Variants in GRM1 observed in about 807,000 individuals in gnomAD.
GRM1 encodes the protein metabotropic glutamate receptor 1.
GRM1 carries 33 observed loss-of-function variants against 90.9 expected under a neutral mutation model. The observed-to-expected ratio is 0.36, with a 90% CI of 0.28 to 0.49. GRM1 has a LOEUF of 0.49. GRM1 is among the 20% of genes least tolerant of loss of function. The probability of loss-of-function intolerance (pLI) is 0.99; values close to 1 mark genes in which losing one functional copy is unlikely to be tolerated. For synonymous variants in GRM1, 700 were observed against 613.2 expected, an observed-to-expected ratio of 1.14 and a Z score of -2.09; for missense variants, 1,190 against 1,534.3, an observed-to-expected ratio of 0.78 and a Z score of 3.75.
At chr6:146,326,444 C>A (rs920819113) in intron 3 of GRM1, among the ~76,000 whole-genome samples, 2 of 151,972 alleles carry the variant, frequency 1.3e-5, no homozygotes, top group African/African-American at 4.8e-5. Flanking sequence ...TTTTGAGGGG[C>A]AGAGGGTGAA....
chr6:146,082,578 A>T (rs930678040), intron 1 of GRM1, among the ~76,000 whole-genome samples: 1 of 152,104 alleles, frequency 6.6e-6, no homozygotes, highest in Non-Finnish European at 1.5e-5. Flanking sequence ...CTCTTCCCAT[A>T]TCCAATCAAT....
chr6:146,077,650 C>T (rs1263363643), intron 1 of GRM1, among the ~76,000 whole-genome samples: 3 of 152,144 alleles, frequency 2.0e-5, no homozygotes, highest in African/African-American at 7.2e-5. Context: ...AATTTTTTAT[C>T]TGGATAGTGA....
chr6:146,135,209 T>C (rs959678974), intron 1 of GRM1, among the ~76,000 whole-genome samples: 2 of 152,182 alleles, frequency 1.3e-5, no homozygotes, highest in African/African-American at 4.8e-5. Flanking sequence ...ACAAGGAGAT[T>C]AGCTGACTTA....
intron 1 of GRM1, among the ~76,000 whole-genome samples, chr6:146,051,750 A>G (rs1326877075): frequency 1.3e-5 from 2 of 152,070 alleles, no homozygotes; most frequent in African/African-American, 2.4e-5. Flanking sequence ...GATTTTAGCT[A>G]TGAACATATG....
In GRM1 at chr6:146,369,360, T is replaced by C. The variant is rs553190934; in HGVS notation, c.1602+11666T>C. ...TTTATTATTTATTTTCTTCTACTAA[T>C]TGGGGGTTTGGTTTGCTCTTGCTTT... On this transcript the variant is annotated intron_variant, in intron 5 of 7. Transcript: ENST00000282753. Among the ~76,000 whole-genome samples the C allele has an allele frequency of 5.9e-5, 9 of 152,024 alleles. No individual in the cohort carries two copies. The South Asian group carries it at 1.7e-3, about 28-fold the overall frequency.
At chr6:146,306,381 C>T (rs961604795) in intron 3 of GRM1, among the ~76,000 whole-genome samples, 3 of 152,096 alleles carry the variant, frequency 2.0e-5, no homozygotes, top group South Asian at 2.1e-4. Context: ...AAACAGTTTC[C>T]CTAGGCTCAT....
chr6:146,329,431 G>A (rs897784344), intron 3 of GRM1, among the ~76,000 whole-genome samples: 2 of 152,304 alleles, frequency 1.3e-5, no homozygotes, highest in African/African-American at 4.8e-5. Flanking sequence ...TTAAGGTCAT[G>A]AGCAGTTAGG....
At chr6:146,109,169 T>C (rs569787024) in intron 1 of GRM1, among the ~76,000 whole-genome samples, 10 of 151,840 alleles carry the variant, frequency 6.6e-5, no homozygotes, top group Non-Finnish European at 1.5e-4. Flanking sequence ...CCCAAGACAA[T>C]GGGGAAAATG....
intron 2 of GRM1, among the ~76,000 whole-genome samples, chr6:146,271,011 T>C (rs1782140428): frequency 6.7e-6 from 1 of 149,996 alleles, no homozygotes; most frequent in Admixed American, 6.7e-5. Flanking sequence ...TCTTTCTTTC[T>C]TTCTTTCTTT....
chr6:146,164,157 G>A (rs1777831299), intron 2 of GRM1, among the ~76,000 whole-genome samples: 2 of 152,154 alleles, frequency 1.3e-5, no homozygotes, highest in South Asian at 4.2e-4. Flanking sequence ...ACCATTTATT[G>A]AGGGTTTGGT....
chr6:146,079,747 T>C (rs1445614751), intron 1 of GRM1, among the ~76,000 whole-genome samples: 1 of 152,178 alleles, frequency 6.6e-6, no homozygotes, highest in Non-Finnish European at 1.5e-5. Context: ...ATATAGAACA[T>C]TAGTGGCTCA....
chr6:146,163,444 A>C (rs1198694851), intron 2 of GRM1, among the ~76,000 whole-genome samples: 1 of 152,208 alleles, frequency 6.6e-6, no homozygotes, highest in Non-Finnish European at 1.5e-5. Flanking sequence ...CACATAACTC[A>C]TTTAATTGTC....
At chr6:146,140,689 C>G (rs1389588329) in intron 1 of GRM1, among the ~76,000 whole-genome samples, 1 of 152,186 alleles carries the variant, frequency 6.6e-6, no homozygotes, top group Non-Finnish European at 1.5e-5. Flanking sequence ...AACAAACAAG[C>G]AAAGAGAAAA....
chr6:146,305,518 A>G (rs915815097), intron 3 of GRM1, among the ~76,000 whole-genome samples: 4 of 152,282 alleles, frequency 2.6e-5, no homozygotes, highest in African/African-American at 9.6e-5. Flanking sequence ...GAGTATTATT[A>G]TTACTGCATA....
intron 2 of GRM1, among the ~76,000 whole-genome samples, chr6:146,215,812 A>G (rs1779851413): frequency 6.7e-6 from 1 of 149,986 alleles, no homozygotes; most frequent in Admixed American, 6.7e-5. Flanking sequence ...GCTGGAGTGC[A>G]GTGGCTCGAT....
intron 2 of GRM1, among the ~76,000 whole-genome samples, chr6:146,282,315 C>T (rs541161621): frequency 6.6e-6 from 1 of 152,266 alleles, no homozygotes; most frequent in East Asian, 1.9e-4. Flanking sequence ...TAATATTTTA[C>T]TTTGTAGCCC....
chr6:146,324,141 G>A lies in GRM1; in HGVS notation c.1186+19295G>A, dbSNP rs12214313. On this transcript the variant is annotated intron_variant, in intron 3 of 7. Transcript: ENST00000282753. ...AGTCTGGCTACAGCGGCTTTGCGGAGCTGCGGTGGGCTCCACCCAGTTGGA... is the reference window on the plus strand; with the variant it reads ...AGTCTGGCTACAGCGGCTTTGCGGAACTGCGGTGGGCTCCACCCAGTTGGA... Among the ~76,000 whole-genome samples, 844 of 152,328 alleles carry A rather than the reference G, an allele frequency of 5.5e-3. 4 individuals carry two copies. The highest frequency in any genetic ancestry group is 8.5e-3 in the Non-Finnish European group (576 of 68,024).
chr6:146,327,161 T>A (rs1159824761), intron 3 of GRM1, among the ~76,000 whole-genome samples: 2 of 152,228 alleles, frequency 1.3e-5, no homozygotes, highest in Admixed American at 1.3e-4. Context: ...AATGCCTTTT[T>A]TTCTGTCCCA....
rs376478077 is a variant in GRM1 at position 146,397,390 on chromosome 6, C to T, written c.1730-1379C>T. Among the ~76,000 whole-genome samples, 8 of 140,976 alleles carry T rather than the reference C, an allele frequency of 5.7e-5. No individual in the cohort carries two copies. In the East Asian group the frequency reaches 1.4e-3, roughly 24 times the overall value. The allele number at this position is 140,976 out of a possible 152,430, so 92.5% of individuals were successfully genotyped here. A position where few individuals can be genotyped will look rare whatever the true frequency, so the allele number is the denominator to read the frequency against. On this transcript the variant is annotated intron_variant, in intron 6 of 7. Coordinates refer to ENST00000282753, the MANE Select transcript of GRM1 (RefSeq NM_001278064.2). ...TCGGGAGACTGAGGCAGGAGAATGG[C>T]GTGAATCCAGGAGGCGGAGCTTGCA... is the stretch of plus-strand genomic sequence containing the variant.
Sources: gnomAD v4.1 joint callset for allele counts (sites outside exome capture counted in the v4.1 genomes callset) on GRCh38, gnomAD v4.1.1 for gene constraint, MANE v1.5 for transcripts, NCBI Gene and HGNC (gene_info 2026-07-23, HGNC 2026-07-21) for gene names.